ZNF155: variants seen among roughly 807,000 people sequenced by gnomAD.
ZNF155 encodes KRAB A domain.
ZNF155 carries 15 observed loss-of-function variants against 11.9 expected under a neutral mutation model. That is an observed-to-expected ratio of 1.26 (90% confidence interval 0.84 to 1.94). ZNF155 has a LOEUF of 1.94. Ranked by LOEUF, ZNF155 falls within the 30% of genes most tolerant of loss-of-function variation. The pLI is 0.00. For missense variants in ZNF155, 602 were observed against 639.1 expected (o/e 0.94, Z 0.63); for synonymous variants, 212 against 219.9 (o/e 0.96, Z 0.32).
chr19:43,986,357 TTAAC>T (rs1454030963), intron 1 of ZNF155, among the ~76,000 whole-genome samples: 2 of 152,180 alleles, frequency 1.3e-5, no homozygotes, highest in African/African-American at 4.8e-5. Context: ...CCATATTTCT[TTAAC>T]TATGGAAATT....
chr19:43,988,460 CTG>C lies in ZNF155; in HGVS notation c.-81_-80del. On this transcript the variant is annotated splice_region_variant and 5_prime_UTR_variant, in exon 2 of 5. Coordinates refer to ENST00000270014, the MANE Select transcript of ZNF155 (RefSeq NM_198089.3). ...ACACACATCTCTCTTTTTCTGCAGA[CTG>C]TGGCACGTTTCAGGCAGGATTCCTC... 1 of 1,448,406 alleles carries C rather than the reference CTG, an allele frequency of 6.9e-7. No homozygotes were observed. 89.7% of individuals were successfully genotyped at this position (1,448,406 alleles called of 1,614,324 possible).
At position 43,989,436 on chromosome 19, in the gene ZNF155, CTCT is replaced by C. The variant is rs776587068; in HGVS notation, c.15+889_15+891del. On this transcript the variant is annotated intron_variant, in intron 2 of 4. Transcript: ENST00000270014. ...AGCGCAGCGGAATGAGGTTCCTGGT[CTCT>C]TCTTCTTCTTGAACAGGTGAAATAT... Among the ~76,000 whole-genome samples the C allele has an allele frequency of 2.2e-4, 34 of 152,248 alleles. 1 individual carries two copies. Among genetic ancestry groups the C allele is most frequent in the Admixed American group, 7.2e-4 (11 of 15,298 alleles).
rs1304921354 is a variant in ZNF155 at position 43,984,246 on chromosome 19, G to A, written c.-86+1G>A. The stretch of plus-strand genomic sequence containing the variant: ...TACTTAACAAGGTGGTTTGAGCCAA[G>A]TATGTGTCTTGCGGGTCTTTGCGAA... On this transcript the variant is annotated splice_donor_variant, in intron 1 of 4. Transcript: ENST00000270014. LOFTEE classifies it low-confidence loss of function (5UTR_SPLICE). The A allele has an allele frequency of 6.6e-6, 1 of 152,194 alleles. No individual in the cohort carries two copies. The highest frequency in any genetic ancestry group is 2.4e-5 in the African/African-American group (1 of 41,438). The allele number at this position is 152,194 out of a possible 1,614,324, so 9.4% of individuals were successfully genotyped here. A position where few individuals can be genotyped will look rare whatever the true frequency, so the allele number is the denominator to read the frequency against.
At chr19:43,994,457 T>A (rs1451748808) in intron 4 of ZNF155, among the ~76,000 whole-genome samples, 1 of 152,208 alleles carries the variant, frequency 6.6e-6, no homozygotes, top group Non-Finnish European at 1.5e-5. Context: ...ACTGAGACAT[T>A]TTACAGAGAA....
At chr19:43,990,528 A>T (rs946032004) in intron 2 of ZNF155, among the ~76,000 whole-genome samples, 3 of 152,212 alleles carry the variant, frequency 2.0e-5, no homozygotes, top group Non-Finnish European at 2.9e-5. Flanking sequence ...CTGTAGGCAA[A>T]CATGTCTAAG....
chr19:43,994,979 A>G (rs1185073156), intron 4 of ZNF155, among the ~76,000 whole-genome samples: 4 of 152,222 alleles, frequency 2.6e-5, no homozygotes, highest in Non-Finnish European at 5.9e-5. Flanking sequence ...TTGTTTCACT[A>G]TGCAGAGTGA....
rs1302130440 is a variant in ZNF155, at chr19:43,996,620, A to G, written c.763A>G (p.Thr255Ala). ...ACTTAATGTTCATCGTAAATTACAC[A>G]CAGGAGAGAAACCTTACATTTGTGA... ...SALNVHRKLH[T>A]GEKPYICEAC... Residue 255 changes from threonine to alanine, a missense_variant, in exon 5 of 5, where the codon ACA (threonine) becomes GCA (alanine). Transcript: ENST00000270014. 4.3e-6 allele frequency: 7 copies of G among 1,613,102 alleles called. No homozygotes were observed. Among genetic ancestry groups the G allele is most frequent in the Admixed American group, 3.3e-5 (2 of 59,980 alleles).
At position 43,996,918 on chromosome 19, in the gene ZNF155, T is replaced by C; in HGVS notation, c.1061T>C (p.Ile354Thr). The C allele has an allele frequency of 6.2e-7, 1 of 1,613,504 alleles. No homozygotes were observed. The highest frequency in any genetic ancestry group is 8.5e-7 in the Non-Finnish European group (1 of 1,179,812). ...YRCEQCGKGF[I>T]GRLDFYKHQV... Reference sequence around the variant, plus strand: ...TGTGAGCAGTGTGGAAAAGGCTTTATTGGTAGGCTAGATTTTTATAAGCAT... The same window carrying C: ...TGTGAGCAGTGTGGAAAAGGCTTTACTGGTAGGCTAGATTTTTATAAGCAT... The change falls in exon 5 of 5, where the codon ATT becomes ACT. Residue 354 changes from isoleucine (I) to threonine (T), a missense_variant. Transcript: ENST00000270014.
chr19:43,996,942 A>G lies in ZNF155; in HGVS notation c.1085A>G (p.His362Arg). The change falls in exon 5 of 5, where the codon CAT becomes CGT. Residue 362 changes from histidine to arginine, a missense_variant. By Grantham distance (29) the His-to-Arg change is conservative. Transcript: ENST00000270014. Reference protein sequence around the residue: ...GFIGRLDFYKHQVVHTGEKPY... With the variant: ...GFIGRLDFYKRQVVHTGEKPY... ...ATTGGTAGGCTAGATTTTTATAAGC[A>G]TCAGGTGGTCCACACAGGAGAAAAA... 1 of 1,610,170 alleles carries G rather than the reference A, an allele frequency of 6.2e-7. No homozygotes were observed. Among genetic ancestry groups the G allele is most frequent in the Non-Finnish European group, 8.5e-7 (1 of 1,177,514 alleles).
At chr19:43,995,958 C>T in intron 4 of ZNF155, 135 bp from the exon 5 acceptor site, 1 of 1,164,448 alleles carries the variant, frequency 8.6e-7, no homozygotes, top group Non-Finnish European at 1.2e-6. Context: ...AACCAGAAAT[C>T]AGGGTGTACT....
At chr19:43,992,566 C>T (rs956653443) in intron 4 of ZNF155, among the ~76,000 whole-genome samples, 8 of 152,318 alleles carry the variant, frequency 5.3e-5, no homozygotes, top group Non-Finnish European at 7.4e-5. Context: ...TCTCCATCTT[C>T]GAAGGCAGCT....
At chr19:43,995,168 C>T (rs529017481) in intron 4 of ZNF155, among the ~76,000 whole-genome samples, 83 of 151,610 alleles carry the variant, frequency 5.5e-4, no homozygotes, top group South Asian at 2.5e-3. Context: ...TGCAGTGGCA[C>T]GATCTCAATC....
rs780256865 is a variant in ZNF155, at chr19:43,988,427, A to G, written c.-85-32A>G. 7.4e-4 allele frequency: 814 copies of G among 1,100,660 alleles called. 1 individual carries two copies. The highest frequency in any genetic ancestry group is 1.1e-3 in the South Asian group (59 of 53,814). The allele number at this position is 1,100,660 out of a possible 1,614,324, so 68.2% of individuals were successfully genotyped here. On this transcript the variant is annotated intron_variant, in intron 1 of 4. Transcript: ENST00000270014. ...ATGCTGCTGTGATCATTCATGGGCT[A>G]ATTCACAACACACATCTCTCTTTTT...
chr19:43,992,593 C>A (rs575237228), intron 4 of ZNF155, among the ~76,000 whole-genome samples: 1 of 152,326 alleles, frequency 6.6e-6, no homozygotes, highest in African/African-American at 2.4e-5. Flanking sequence ...CATCTCTGAC[C>A]ATTCTTCCAT....
intron 4 of ZNF155, among the ~76,000 whole-genome samples, chr19:43,995,258 T>C (rs1975800368): frequency 6.6e-6 from 1 of 151,952 alleles, no homozygotes; most frequent in Non-Finnish European, 1.5e-5. Context: ...ACTACAGGCA[T>C]GTGCCACCAC....
intron 1 of ZNF155, among the ~76,000 whole-genome samples, chr19:43,985,525 CTCTTTT>C (rs1379316053): frequency 8.5e-6 from 1 of 118,200 alleles, no homozygotes; most frequent in African/African-American, 2.9e-5. Flanking sequence ...AAAGGTATTG[CTCTTTT>C]TCTTTTTTTT....
intron 1 of ZNF155, among the ~76,000 whole-genome samples, chr19:43,987,280 C>T (rs80164233): frequency 0.013 from 1,942 of 152,212 alleles, 35 homozygotes; most frequent in African/African-American, 0.044. Flanking sequence ...TTTACCCTGA[C>T]CCCAGTTTAA....
chr19:43,990,239 C>T (rs1599839779), intron 2 of ZNF155: 1 of 559,344 alleles, frequency 1.8e-6, no homozygotes, highest in Non-Finnish European at 3.0e-6. Flanking sequence ...GATGTTCTTA[C>T]ATCTTGCTAC....
At chr19:43,988,740 G>T in intron 2 of ZNF155, 182 bp downstream of exon 2, 1 of 504,904 alleles carries the variant, frequency 2.0e-6, no homozygotes, top group South Asian at 6.2e-5. Flanking sequence ...GCTTTGTTTT[G>T]TTTTGTTACC....
Sources: allele counts gnomAD v4.1 joint callset (sites outside exome capture counted in the v4.1 genomes callset), GRCh38; gene constraint gnomAD v4.1.1; transcripts MANE v1.5; gene names NCBI Gene and HGNC (gene_info 2026-07-23, HGNC 2026-07-21).